The following PPP3CA variants were observed in gnomAD, a reference collection of about 807,000 sequenced individuals.
PPP3CA encodes protein phosphatase 3 catalytic subunit alpha, also known as CAM-PRP catalytic subunit.
PPP3CA carries 14 observed loss-of-function variants against 66.5 expected under a neutral mutation model. That is an observed-to-expected ratio of 0.21 (90% CI 0.14 to 0.33). The LOEUF is 0.33. PPP3CA is among the 10% of genes least tolerant of loss of function. PPP3CA has a pLI of 1.00. For synonymous variants in PPP3CA, 232 were observed against 226.2 expected, an observed-to-expected ratio of 1.03 and a Z score of -0.23; for missense variants, 317 against 639.5, an observed-to-expected ratio of 0.50 and a Z score of 5.44.
At chr4:101,053,101 C>T (rs1728080504) in intron 10 of PPP3CA, among the ~76,000 whole-genome samples, 1 of 151,914 alleles carries the variant, frequency 6.6e-6, no homozygotes, top group South Asian at 2.1e-4. Flanking sequence ...TATATTATGT[C>T]AATATTTGCT....
chr4:101,026,881 A>C (rs554547489), intron 13 of PPP3CA, among the ~76,000 whole-genome samples: 5 of 152,378 alleles, frequency 3.3e-5, no homozygotes, highest in African/African-American at 9.6e-5. Context: ...GTGATGGTTA[A>C]ATAATAACAA....
chr4:101,151,949 C>T (rs186710937), intron 2 of PPP3CA, among the ~76,000 whole-genome samples: 1 of 152,032 alleles, frequency 6.6e-6, no homozygotes, highest in South Asian at 2.1e-4. Context: ...AGCCACTGCA[C>T]CCAGCCAAGT....
At chr4:101,290,175 A>G (rs1283090874) in intron 1 of PPP3CA, among the ~76,000 whole-genome samples, 1 of 152,218 alleles carries the variant, frequency 6.6e-6, no homozygotes, top group African/African-American at 2.4e-5. Context: ...AAATCTTGAA[A>G]ATAGTAATTT....
rs559594253 is a variant in PPP3CA at position 101,233,942 on chromosome 4, T to G, written c.59-37826A>C. On this transcript the variant is annotated intron_variant, in intron 1 of 13. Coordinates refer to ENST00000394854, the MANE Select transcript of PPP3CA (RefSeq NM_000944.5). The stretch of plus-strand genomic sequence containing the variant: ...ACCATCTGTCTGCTGCTACCCTCTT[T>G]GTGTCCATGTGTTTTCATTATTTAG... 2.0e-5 allele frequency among the ~76,000 whole-genome samples: 3 copies of G among 151,900 alleles called. No individual in the cohort carries two copies. The South Asian group carries it at 6.2e-4, about 32-fold the overall frequency.
At chr4:101,112,859 T>A (rs1340719472) in intron 2 of PPP3CA, among the ~76,000 whole-genome samples, 2 of 152,140 alleles carry the variant, frequency 1.3e-5, no homozygotes, top group African/African-American at 2.4e-5. Flanking sequence ...CTAAGCTGGA[T>A]AACTTGTCAG....
chr4:101,292,116 A>C (rs999589887), intron 1 of PPP3CA, among the ~76,000 whole-genome samples: 29 of 148,932 alleles, frequency 1.9e-4, no homozygotes, highest in African/African-American at 7.2e-4. Flanking sequence ...ACACACACAC[A>C]CACACACACA....
intron 1 of PPP3CA, among the ~76,000 whole-genome samples, chr4:101,286,776 G>T (rs1480981796): frequency 6.6e-6 from 1 of 152,114 alleles, no homozygotes; most frequent in Non-Finnish European, 1.5e-5. Flanking sequence ...ATCCATAGCT[G>T]GACATGACAG....
chr4:101,059,257 G>A (rs1203401880), intron 10 of PPP3CA, among the ~76,000 whole-genome samples: 1 of 151,980 alleles, frequency 6.6e-6, no homozygotes, highest in Admixed American at 6.6e-5. Flanking sequence ...TTGATCTCTT[G>A]CATATTTCAA....
At chr4:101,294,996 T>C (rs1207178850) in intron 1 of PPP3CA, among the ~76,000 whole-genome samples, 1 of 152,170 alleles carries the variant, frequency 6.6e-6, no homozygotes, top group Non-Finnish European at 1.5e-5. Flanking sequence ...ACTGGTATAC[T>C]TGGTGTGAAA....
intron 2 of PPP3CA, among the ~76,000 whole-genome samples, chr4:101,115,679 C>A (rs1433578984): frequency 6.6e-6 from 1 of 151,736 alleles, no homozygotes; most frequent in Non-Finnish European, 1.5e-5. Context: ...ACAGCTGTCA[C>A]CCTGAATAGA....
intron 8 of PPP3CA, among the ~76,000 whole-genome samples, chr4:101,063,676 T>C (rs1327552452): frequency 2.0e-5 from 3 of 151,990 alleles, no homozygotes; most frequent in African/African-American, 7.2e-5. Context: ...GTCTTAAAAT[T>C]TGATATCTGA....
At chr4:101,071,568 C>G (rs546999134) in intron 8 of PPP3CA, among the ~76,000 whole-genome samples, 1 of 152,300 alleles carries the variant, frequency 6.6e-6, no homozygotes, top group African/African-American at 2.4e-5. Flanking sequence ...AATCAACTAT[C>G]AGGGCTATCA....
intron 1 of PPP3CA, among the ~76,000 whole-genome samples, chr4:101,294,673 T>C (rs1728137718): frequency 6.6e-6 from 1 of 152,010 alleles, no homozygotes; most frequent in South Asian, 2.1e-4. Context: ...TGGGGCAGGG[T>C]TTCAACCTCA....
intron 1 of PPP3CA, among the ~76,000 whole-genome samples, chr4:101,241,421 C>T (rs1726304623): frequency 1.3e-5 from 2 of 151,932 alleles, no homozygotes; most frequent in Non-Finnish European, 2.9e-5. Context: ...ATGTTGCTAA[C>T]TCTAACGAAA....
At chr4:101,258,391 G>A (rs1020426559) in intron 1 of PPP3CA, among the ~76,000 whole-genome samples, 2 of 152,072 alleles carry the variant, frequency 1.3e-5, no homozygotes, top group South Asian at 4.1e-4. Context: ...CTGGACAAGA[G>A]GCAGCTGCAC....
At chr4:101,321,668 A>G (rs1254143221) in intron 1 of PPP3CA, among the ~76,000 whole-genome samples, 1 of 152,246 alleles carries the variant, frequency 6.6e-6, no homozygotes, top group Non-Finnish European at 1.5e-5. Context: ...AGGCATACCG[A>G]GTACCAGTGA....
At chr4:101,165,372 T>C (rs1324275154) in intron 2 of PPP3CA, among the ~76,000 whole-genome samples, 2 of 151,864 alleles carry the variant, frequency 1.3e-5, no homozygotes, top group African/African-American at 4.8e-5. Context: ...TTATTCTTTG[T>C]ACAAACAGTA....
rs1238794541 is a variant in PPP3CA at position 101,286,709 on chromosome 4, A to C, written c.58+60030T>G. On this transcript the variant is annotated intron_variant, in intron 1 of 13. Transcript: ENST00000394854. ...GTCAGAATTTTAACCATTCCTCCAA[A>C]ACTGGTAGTTTACACAAATGCTATA... Among the ~76,000 whole-genome samples, 21 of 152,326 alleles carry C rather than the reference A, an allele frequency of 1.4e-4. No homozygotes were observed. The East Asian group carries it at 4.0e-3, about 29-fold the overall frequency.
At chr4:101,293,621 T>C (rs1378830925) in intron 1 of PPP3CA, among the ~76,000 whole-genome samples, 1 of 152,184 alleles carries the variant, frequency 6.6e-6, no homozygotes, top group Non-Finnish European at 1.5e-5. Context: ...TTTTTCCACA[T>C]GTAGAAGATG....
Sources: gnomAD v4.1 joint callset for allele counts (sites outside exome capture counted in the v4.1 genomes callset) on GRCh38, gnomAD v4.1.1 for gene constraint, MANE v1.5 for transcripts, NCBI Gene and HGNC (gene_info 2026-07-23, HGNC 2026-07-21) for gene names.